Variants in NT5E observed in about 807,000 individuals in gnomAD.
NT5E encodes the protein 5'-nucleotidase ecto.
In NT5E, 53 loss-of-function variants were observed where a neutral mutation model predicts 55.1. That is an observed-to-expected ratio of 0.96 (90% CI 0.77 to 1.21). The LOEUF is 1.21. Ranked by LOEUF, NT5E falls within the 50% of genes most tolerant of loss-of-function variation. The probability of loss-of-function intolerance (pLI) is 0.00; values close to 1 mark genes in which losing one functional copy is unlikely to be tolerated. For missense variants in NT5E, 683 were observed against 724.3 expected (o/e 0.94, Z 0.65); for synonymous variants, 270 against 278.4 (o/e 0.97, Z 0.30).
chr6:85,487,832 T>C (rs1769700391), intron 5 of NT5E, among the ~76,000 whole-genome samples: 1 of 152,168 alleles, frequency 6.6e-6, no homozygotes. Context: ...CAGTACCTTC[T>C]TAAGGTGCTG....
intron 5 of NT5E, among the ~76,000 whole-genome samples, 193 bp from the exon 6 acceptor site, chr6:85,489,301 C>T (rs1769734185): frequency 6.6e-6 from 1 of 152,116 alleles, no homozygotes; most frequent in Non-Finnish European, 1.5e-5. Flanking sequence ...AAGAGTTTGA[C>T]ATGGACTGGT....
chr6:85,451,501 G>A (rs758634322), intron 1 of NT5E, among the ~76,000 whole-genome samples: 1 of 151,894 alleles, frequency 6.6e-6, no homozygotes. Flanking sequence ...ATGTATATAT[G>A]GTGGTTAAAA....
rs1413110539 is a variant in NT5E at position 85,491,436 on chromosome 6, T to A, written c.1361-541T>A. ...CACATTGCTGTTGAGACTGAAGGGC[T>A]ACAGAAGGCAGTGGGGCCCTGTCCT... On this transcript the variant is annotated intron_variant, in intron 7 of 8. Coordinates refer to ENST00000257770, the MANE Select transcript of NT5E (RefSeq NM_002526.4). 1.6e-5 allele frequency: 5 copies of A among 306,328 alleles called. No homozygotes were observed. In the East Asian group the frequency reaches 4.5e-4, roughly 27 times the overall value. The allele number at this position is 306,328 out of a possible 1,614,324, so 19.0% of individuals were successfully genotyped here. A position where few individuals can be genotyped will look rare whatever the true frequency, so the allele number is the denominator to read the frequency against.
intron 7 of NT5E, chr6:85,491,353 T>A (rs1582389054): frequency 2.4e-5 from 8 of 337,608 alleles, no homozygotes; most frequent in Middle Eastern, 1.1e-3. Context: ...TTTTTTAACC[T>A]TAGGTTGTGG....
At chr6:85,487,204 C>A in intron 4 of NT5E, 131 bp from the exon 5 acceptor site, 1 of 901,778 alleles carries the variant, frequency 1.1e-6, no homozygotes, top group Non-Finnish European at 1.8e-6. Flanking sequence ...ATGGTCAAAA[C>A]CAAAATGCAC....
chr6:85,483,887 G>T (rs1021006366), intron 3 of NT5E, among the ~76,000 whole-genome samples: 7 of 152,164 alleles, frequency 4.6e-5, no homozygotes, highest in Admixed American at 3.3e-4. Context: ...TACATGGTAG[G>T]CTTGTGGGTA....
rs1769813040 is a variant in NT5E at position 85,492,769 on chromosome 6, C to T, written c.1561+592C>T. Reference sequence around the variant, plus strand: ...ATACAGACCACTGACATAGGACACACTTCCCCTTCCTCTTCCTAGGGCAGA... The same window carrying T: ...ATACAGACCACTGACATAGGACACATTTCCCCTTCCTCTTCCTAGGGCAGA... On this transcript the variant is annotated intron_variant, in intron 8 of 8. Transcript: ENST00000257770. 3.9e-5 allele frequency among the ~76,000 whole-genome samples: 6 copies of T among 152,312 alleles called. No individual in the cohort carries two copies. The South Asian group carries it at 1.2e-3, about 32-fold the overall frequency.
At chr6:85,466,812 T>C (rs1055235845) in intron 1 of NT5E, among the ~76,000 whole-genome samples, 16 of 152,146 alleles carry the variant, frequency 1.1e-4, no homozygotes, top group African/African-American at 3.9e-4. Context: ...GGTGGGACAG[T>C]GGACCCCTGG....
intron 3 of NT5E, among the ~76,000 whole-genome samples, chr6:85,473,888 G>C (rs1255356143): frequency 6.6e-6 from 1 of 152,116 alleles, no homozygotes; most frequent in Non-Finnish European, 1.5e-5. Context: ...CCCTTGACTT[G>C]TCTTTACACC....
rs1353292935 is a variant in NT5E at position 85,487,211 on chromosome 6, G to GCACA, written c.950-121_950-118dup. The stretch of plus-strand genomic sequence containing the variant: ...GAAATTTCATGGTCAAAACCAAAAT[G>GCACA]CACACAAATATGGTAAACAAATATG... On this transcript the variant is annotated intron_variant, in intron 4 of 8. Coordinates refer to ENST00000257770, the MANE Select transcript of NT5E (RefSeq NM_002526.4). 5 of 938,916 alleles carry GCACA rather than the reference G, an allele frequency of 5.3e-6. No individual in the cohort carries two copies. The African/African-American group carries it at 8.3e-5, about 15-fold the overall frequency. The allele number at this position is 938,916 out of a possible 1,614,324, so 58.2% of individuals were successfully genotyped here. A position where few individuals can be genotyped will look rare whatever the true frequency, so the allele number is the denominator to read the frequency against.
At position 85,462,537 on chromosome 6, in the gene NT5E, C is replaced by T. The variant is rs191589771; in HGVS notation, c.340-4523C>T. Among the ~76,000 whole-genome samples the T allele has an allele frequency of 2.0e-5, 3 of 152,304 alleles. No individual in the cohort carries two copies. The East Asian group carries it at 5.8e-4, about 29-fold the overall frequency. On this transcript the variant is annotated intron_variant, in intron 1 of 8. Coordinates refer to ENST00000257770, the MANE Select transcript of NT5E (RefSeq NM_002526.4). ...CTGCAGACGTCTGTCTCTGGTGTAT[C>T]AGCTGTACCTTGCACACATGTCTCT...
intron 3 of NT5E, among the ~76,000 whole-genome samples, chr6:85,480,254 C>G (rs147514614): frequency 1.2e-4 from 18 of 152,168 alleles, no homozygotes; most frequent in Non-Finnish European, 1.8e-4. Flanking sequence ...TGTATACTAC[C>G]GGAAGATGCA....
chr6:85,490,391 C>T, intron 6 of NT5E, 117 bp from the exon 7 acceptor site: 1 of 1,177,574 alleles, frequency 8.5e-7, no homozygotes, highest in Admixed American at 1.7e-5. Context: ...GCTAATGATG[C>T]TCTATAAGCT....
At position 85,467,112 on chromosome 6, in the gene NT5E, T is replaced by C; in HGVS notation, c.392T>C (p.Leu131Pro). ...GGTGTGGAAGGACTGATCGAGCCAC[T>C]CCTCAAAGAGGCCAAATTTCCAATT... Reference protein sequence around the residue: ...DNGVEGLIEPLLKEAKFPILS... With the variant: ...DNGVEGLIEPPLKEAKFPILS... Residue 131 changes from leucine (L) to proline (P), a missense_variant, in exon 2 of 9, where the codon CTC (leucine) becomes CCC (proline). Physicochemically the swap from Leu to Pro is moderately conservative, Grantham distance 98. Transcript: ENST00000257770. 1 of 1,614,170 alleles carries C rather than the reference T, an allele frequency of 6.2e-7. No homozygotes were observed. Among genetic ancestry groups the C allele is most frequent in the Non-Finnish European group, 8.5e-7 (1 of 1,180,018 alleles).
At chr6:85,493,720 C>G in intron 8 of NT5E, 121 bp from the exon 9 acceptor site, 1 of 781,182 alleles carries the variant, frequency 1.3e-6, no homozygotes, top group African/African-American at 1.7e-5. Flanking sequence ...GCGTTCTTGT[C>G]TTCTGTGACA....
intron 3 of NT5E, among the ~76,000 whole-genome samples, chr6:85,475,435 A>C (rs192676604): frequency 2.6e-5 from 4 of 152,366 alleles, no homozygotes; most frequent in African/African-American, 9.6e-5. Context: ...ATGCATATGC[A>C]GCTAACCCTA....
chr6:85,486,924 T>C (rs977563722), intron 4 of NT5E, among the ~76,000 whole-genome samples: 2 of 152,182 alleles, frequency 1.3e-5, no homozygotes, highest in African/African-American at 2.4e-5. Context: ...GGTGAGCCTG[T>C]AGTCACAACA....
rs898068281 is a variant in NT5E, at chr6:85,494,421, A to G, written c.*417A>G. ...AACTTATTTTTGGTAGGAAAGAGAG[A>G]TGTTTTTCCCACCTGTCAGATGAAA... On this transcript the variant is annotated 3_prime_UTR_variant, in exon 9 of 9. Transcript: ENST00000257770. 1 of 188,934 alleles carries G rather than the reference A, an allele frequency of 5.3e-6. No homozygotes were observed. Among genetic ancestry groups the G allele is most frequent in the Admixed American group, 5.4e-5 (1 of 18,350 alleles). The allele number at this position is 188,934 out of a possible 1,614,324, so 11.7% of individuals were successfully genotyped here.
At position 85,450,155 on chromosome 6, in the gene NT5E, G is replaced by A. The variant is rs1479562114; in HGVS notation, c.16G>A (p.Ala6Thr). The A allele has an allele frequency of 1.3e-6, 2 of 1,587,248 alleles. No homozygotes were observed. Among genetic ancestry groups the A allele is most frequent in the Admixed American group, 3.5e-5 (2 of 57,106 alleles). Residue 6 changes from alanine to threonine, a missense_variant, in exon 1 of 9, where the codon GCG becomes ACG. Coordinates refer to ENST00000257770, the MANE Select transcript of NT5E (RefSeq NM_002526.4). The surrounding 1 kb of genome is among the most constrained non-coding windows in gnomAD (Gnocchi z 4.0). ...CGCCACAGCTATGTGTCCCCGAGCC[G>A]CGCGGGCGCCCGCGACGCTACTCCT... MCPRA[A>T]RAPATLLLAL...
Sources: allele counts gnomAD v4.1 joint callset (sites outside exome capture counted in the v4.1 genomes callset), GRCh38; gene constraint gnomAD v4.1.1; non-coding constraint Gnocchi (gnomAD v3.1); transcripts MANE v1.5; gene names NCBI Gene and HGNC (gene_info 2026-07-23, HGNC 2026-07-21).